Variants in PPP1R9A observed in about 807,000 individuals in gnomAD.
PPP1R9A encodes the protein neurabin-1.
PPP1R9A carries 59 observed loss-of-function variants against 141.9 expected under a neutral mutation model. The observed-to-expected ratio is 0.42, with a 90% CI of 0.34 to 0.52. PPP1R9A has a LOEUF of 0.52. Among genes scored for constraint, PPP1R9A ranks in the 20% least tolerant of loss-of-function variants. The probability of loss-of-function intolerance (pLI) is 0.10; values close to 1 mark genes in which losing one functional copy is unlikely to be tolerated. For synonymous variants in PPP1R9A, 500 were observed against 569.7 expected (o/e 0.88, Z 1.74); for missense variants, 1,444 against 1,611.9 (o/e 0.90, Z 1.78).
intron 5 of PPP1R9A, among the ~76,000 whole-genome samples, chr7:95,195,606 G>T (rs1191823036): frequency 1.3e-5 from 2 of 150,928 alleles, no homozygotes; most frequent in Non-Finnish European, 2.9e-5. Flanking sequence ...TGATAAATTA[G>T]ACTTCCTTGA....
chr7:94,969,711 G>T (rs573822879), intron 2 of PPP1R9A, among the ~76,000 whole-genome samples: 1 of 152,166 alleles, frequency 6.6e-6, no homozygotes, highest in African/African-American at 2.4e-5. Context: ...GAGCTGGCAG[G>T]CAGGAGTGTT....
chr7:94,925,476 C>T (rs530302818), intron 2 of PPP1R9A, among the ~76,000 whole-genome samples: 4 of 152,008 alleles, frequency 2.6e-5, no homozygotes, highest in South Asian at 2.1e-4. Context: ...TTTTTCCCCC[C>T]ACATGTCTTA....
chr7:94,950,459 T>C (rs1408049377), intron 2 of PPP1R9A, among the ~76,000 whole-genome samples: 2 of 152,112 alleles, frequency 1.3e-5, no homozygotes, highest in African/African-American at 4.8e-5. Flanking sequence ...AAGAGAGCTC[T>C]TCTTAGCCCT....
chr7:95,092,551 A>C (rs2152346388), intron 2 of PPP1R9A, among the ~76,000 whole-genome samples: 1 of 152,274 alleles, frequency 6.6e-6, no homozygotes, highest in Non-Finnish European at 1.5e-5. Context: ...TGAATGAAGT[A>C]CATATTAAAG....
intron 8 of PPP1R9A, among the ~76,000 whole-genome samples, chr7:95,235,520 A>T (rs1796562711): frequency 6.6e-6 from 1 of 152,186 alleles, no homozygotes; most frequent in African/African-American, 2.4e-5. Flanking sequence ...TCAAAAAATA[A>T]CTGATGTTGG....
chr7:95,087,911 GAAAA>G (rs796943272), intron 2 of PPP1R9A, among the ~76,000 whole-genome samples: 3 of 116,572 alleles, frequency 2.6e-5, no homozygotes, highest in African/African-American at 9.5e-5. Context: ...AAGAGAGAGA[GAAAA>G]AAAAAAAAAG....
chr7:94,922,949 T>G (rs571566218), intron 2 of PPP1R9A, among the ~76,000 whole-genome samples: 1 of 152,310 alleles, frequency 6.6e-6, no homozygotes, highest in East Asian at 1.9e-4. Context: ...ATAATTAGTC[T>G]TTTAATGTAC....
chr7:95,114,891 CAAA>C (rs200443706), intron 3 of PPP1R9A, among the ~76,000 whole-genome samples: 7 of 112,382 alleles, frequency 6.2e-5, no homozygotes, highest in Non-Finnish European at 1.1e-4. Flanking sequence ...AAGTCCGTCT[CAAA>C]AAAAAAAAAA....
chr7:95,089,357 T>C (rs1303443316), intron 2 of PPP1R9A, among the ~76,000 whole-genome samples: 1 of 152,040 alleles, frequency 6.6e-6, no homozygotes. Flanking sequence ...CTGCTTGTCT[T>C]TTTTATAGAG....
intron 3 of PPP1R9A, among the ~76,000 whole-genome samples, chr7:95,115,667 C>T (rs1821356261): frequency 6.6e-6 from 1 of 151,604 alleles, no homozygotes; most frequent in Non-Finnish European, 1.5e-5. Flanking sequence ...GTCTATAATC[C>T]CAGCACTTTG....
At chr7:95,272,804 G>A (rs375295619) in intron 14 of PPP1R9A, among the ~76,000 whole-genome samples, 18 of 152,092 alleles carry the variant, frequency 1.2e-4, no homozygotes, top group East Asian at 1.2e-3. Flanking sequence ...ACTTTTTTAA[G>A]AGGGCCATTC....
intron 2 of PPP1R9A, among the ~76,000 whole-genome samples, chr7:94,932,763 AT>A (rs34284096): frequency 0.029 from 3,432 of 119,694 alleles, 90 homozygotes; most frequent in African/African-American, 0.11. Context: ...TACCTGAAGC[AT>A]TTTTTTTTTT....
chr7:95,194,134 A>G (rs1835897592), intron 5 of PPP1R9A, among the ~76,000 whole-genome samples: 1 of 152,062 alleles, frequency 6.6e-6, no homozygotes, highest in African/African-American at 2.4e-5. Flanking sequence ...ATAAAAGGTC[A>G]ATCTAGGCTT....
intron 8 of PPP1R9A, among the ~76,000 whole-genome samples, chr7:95,235,929 G>A (rs1324225220): frequency 1.3e-5 from 2 of 152,184 alleles, no homozygotes. Context: ...TCACTTAAAT[G>A]TGGGAGCTAA....
intron 2 of PPP1R9A, among the ~76,000 whole-genome samples, chr7:94,934,685 A>T (rs907612039): frequency 6.6e-6 from 1 of 151,958 alleles, no homozygotes; most frequent in Non-Finnish European, 1.5e-5. Context: ...AAATATATAC[A>T]TGTTTCTGGA....
chr7:95,183,116 A>G (rs1834098967), intron 5 of PPP1R9A, among the ~76,000 whole-genome samples: 1 of 151,974 alleles, frequency 6.6e-6, no homozygotes, highest in African/African-American at 2.4e-5. Flanking sequence ...TTTGTTTACA[A>G]TGAAATATAG....
chr7:95,223,823 G>A (rs1794782309), intron 7 of PPP1R9A, among the ~76,000 whole-genome samples: 1 of 151,878 alleles, frequency 6.6e-6, no homozygotes, highest in African/African-American at 2.4e-5. Flanking sequence ...TAATGATAGG[G>A]TTAAAAACAA....
chr7:94,949,952 T>G (rs1337300136), intron 2 of PPP1R9A, among the ~76,000 whole-genome samples: 1 of 151,766 alleles, frequency 6.6e-6, no homozygotes, highest in Non-Finnish European at 1.5e-5. Context: ...TGAACTTTTC[T>G]GCTTTTCTTA....
At chr7:95,134,498 G>A (rs758809821) in intron 4 of PPP1R9A, among the ~76,000 whole-genome samples, 11 of 152,100 alleles carry the variant, frequency 7.2e-5, no homozygotes, top group Admixed American at 1.3e-4. Flanking sequence ...GTGCAATGGC[G>A]TGATCTCGGC....
Sources: allele counts gnomAD v4.1 joint callset (sites outside exome capture counted in the v4.1 genomes callset), GRCh38; gene constraint gnomAD v4.1.1; transcripts MANE v1.5; gene names NCBI Gene and HGNC (gene_info 2026-07-23, HGNC 2026-07-21).